Variants in NTRK3 observed in about 807,000 individuals in gnomAD.
The protein encoded by NTRK3 is neurotrophic receptor tyrosine kinase 3.
In NTRK3, 24 loss-of-function variants were observed where a neutral mutation model predicts 91.7. The observed-to-expected ratio is 0.26, with a 90% confidence interval of 0.19 to 0.37. The LOEUF (loss-of-function observed/expected upper bound fraction) is 0.37. NTRK3 is among the 10% of genes least tolerant of loss of function. The pLI, the probability that NTRK3 is intolerant of heterozygous loss-of-function variation, is 1.00. For missense variants in NTRK3, 880 were observed against 1,068.9 expected (o/e 0.82, Z 2.46); for synonymous variants, 483 against 404.0 (o/e 1.20, Z -2.34).
intron 5 of NTRK3, among the ~76,000 whole-genome samples, chr15:88,180,297 G>T (rs780478017): frequency 6.6e-6 from 1 of 152,192 alleles, no homozygotes; most frequent in African/African-American, 2.4e-5. Flanking sequence ...GGATACAAGG[G>T]TGGAAAATAT....
At chr15:88,231,891 T>C (rs1414904079) in intron 3 of NTRK3, among the ~76,000 whole-genome samples, 1 of 152,240 alleles carries the variant, frequency 6.6e-6, no homozygotes, top group Non-Finnish European at 1.5e-5. Flanking sequence ...TACTTTTCAC[T>C]ATTTCAATTT....
At chr15:88,105,485 C>G (rs1567415635) in intron 13 of NTRK3, among the ~76,000 whole-genome samples, 1 of 152,208 alleles carries the variant, frequency 6.6e-6, no homozygotes, top group Non-Finnish European at 1.5e-5. Flanking sequence ...TAAGGCCACA[C>G]AGCCATGCAG....
intron 13 of NTRK3, among the ~76,000 whole-genome samples, chr15:88,120,206 C>G (rs1032918566): frequency 3.3e-5 from 5 of 152,184 alleles, no homozygotes; most frequent in Admixed American, 3.3e-4. Flanking sequence ...AATGTGGCAG[C>G]AGCCCCTGAG....
At chr15:88,013,774 G>A (rs2077042616) in intron 14 of NTRK3, among the ~76,000 whole-genome samples, 1 of 152,152 alleles carries the variant, frequency 6.6e-6, no homozygotes, top group Non-Finnish European at 1.5e-5. Context: ...GACTGAGGTA[G>A]GTGGATTGAC....
At chr15:88,199,173 C>T (rs1370179297) in intron 3 of NTRK3, among the ~76,000 whole-genome samples, 2 of 152,120 alleles carry the variant, frequency 1.3e-5, no homozygotes, top group Non-Finnish European at 2.9e-5. Context: ...GGCATCATCA[C>T]TTGGGGGGCT....
At chr15:88,196,966 T>A (rs1340887801) in intron 3 of NTRK3, among the ~76,000 whole-genome samples, 1 of 152,030 alleles carries the variant, frequency 6.6e-6, no homozygotes, top group African/African-American at 2.4e-5. Flanking sequence ...CTACCTTCAA[T>A]GAGTACTCCT....
intron 5 of NTRK3, among the ~76,000 whole-genome samples, chr15:88,149,415 T>C (rs987345960): frequency 6.6e-6 from 1 of 151,952 alleles, no homozygotes; most frequent in South Asian, 2.1e-4. Flanking sequence ...CTGTTCAGAG[T>C]TTTTAAGCCT....
chr15:88,151,392 GAC>G (rs939565688), intron 5 of NTRK3, among the ~76,000 whole-genome samples: 3 of 152,126 alleles, frequency 2.0e-5, no homozygotes, highest in South Asian at 2.1e-4. Context: ...CCTGAGGAAC[GAC>G]AGAGCTGAGA....
intron 3 of NTRK3, among the ~76,000 whole-genome samples, chr15:88,208,287 C>T (rs1232251941): frequency 6.6e-6 from 1 of 151,910 alleles, no homozygotes; most frequent in Non-Finnish European, 1.5e-5. Flanking sequence ...TCATCTGACT[C>T]CTGCTTGGTC....
intron 17 of NTRK3, among the ~76,000 whole-genome samples, chr15:87,901,048 G>A (rs931235633): frequency 1.3e-5 from 2 of 152,172 alleles, no homozygotes; most frequent in African/African-American, 4.8e-5. Flanking sequence ...TGGCAGTGAA[G>A]GGTGTAGGCC....
intron 5 of NTRK3, among the ~76,000 whole-genome samples, chr15:88,176,822 T>C (rs181414713): frequency 2.3e-4 from 35 of 152,322 alleles, no homozygotes; most frequent in African/African-American, 7.5e-4. Flanking sequence ...AACTCTTAAA[T>C]AGCTGAATGA....
chr15:88,161,981 G>A (rs535903328), intron 5 of NTRK3, among the ~76,000 whole-genome samples: 1 of 152,290 alleles, frequency 6.6e-6, no homozygotes, highest in South Asian at 2.1e-4. Flanking sequence ...AAATGGAAGA[G>A]CAAAATGGAA....
intron 14 of NTRK3, among the ~76,000 whole-genome samples, chr15:88,032,273 A>T (rs565326685): frequency 6.6e-6 from 1 of 152,168 alleles, no homozygotes; most frequent in African/African-American, 2.4e-5. Context: ...GAGAGGGGAG[A>T]TGAGAGGGAA....
At chr15:88,204,436 G>A (rs1275595449) in intron 3 of NTRK3, among the ~76,000 whole-genome samples, 1 of 152,170 alleles carries the variant, frequency 6.6e-6, no homozygotes, top group Non-Finnish European at 1.5e-5. Flanking sequence ...TAGAAATGTA[G>A]GGAAGCCAGA....
chr15:88,070,228 C>T (rs933119357), intron 13 of NTRK3, among the ~76,000 whole-genome samples: 3 of 152,096 alleles, frequency 2.0e-5, no homozygotes, highest in Non-Finnish European at 4.4e-5. Context: ...CTAGGAAGTA[C>T]CAAATGCCCT....
intron 6 of NTRK3, among the ~76,000 whole-genome samples, chr15:88,143,284 G>T (rs897588773): frequency 1.3e-5 from 2 of 152,130 alleles, no homozygotes; most frequent in Non-Finnish European, 2.9e-5. Flanking sequence ...GACAGGGATG[G>T]CAGGCACGTG....
intron 5 of NTRK3, 135 bp from the exon 6 acceptor site, chr15:88,147,538 T>G: frequency 1.5e-6 from 1 of 688,814 alleles, no homozygotes; most frequent in Non-Finnish European, 2.6e-6. Context: ...TTCTTCTTCT[T>G]CTTCTTCTTC....
At chr15:88,139,450 T>C (rs2151242031) in intron 6 of NTRK3, among the ~76,000 whole-genome samples, 1 of 152,126 alleles carries the variant, frequency 6.6e-6, no homozygotes, top group Non-Finnish European at 1.5e-5. Context: ...TAGTTAAGCA[T>C]GCATCAAAAT....
chr15:88,043,940 C>A lies in NTRK3; in HGVS notation c.1397-10895G>T, dbSNP rs142049642. On this transcript the variant is annotated intron_variant, in intron 13 of 18. Coordinates refer to ENST00000394480, the Ensembl canonical transcript of NTRK3. ...TATCCAGGGTATGTCTCAAGAAAAC[C>A]CTTTTCCCAGTATTTCTAAGTACAC... is the stretch of plus-strand genomic sequence containing the variant. Among the ~76,000 whole-genome samples, 360 of 152,186 alleles carry A rather than the reference C, an allele frequency of 2.4e-3. 1 individual carries two copies. The highest frequency in any genetic ancestry group is 7.9e-3 in the African/African-American group (330 of 41,528).
Sources: allele counts gnomAD v4.1 joint callset (sites outside exome capture counted in the v4.1 genomes callset), GRCh38; gene constraint gnomAD v4.1.1; transcripts MANE v1.5; gene names NCBI Gene and HGNC (gene_info 2026-07-23, HGNC 2026-07-21).